PLEKHM3: variants seen among roughly 807,000 people sequenced by gnomAD.
The protein encoded by PLEKHM3 is pleckstrin homology domain-containing family M member 3.
A neutral mutation model predicts 81.8 loss-of-function variants in PLEKHM3; 45 were observed. The ratio of observed to expected loss-of-function variants is 0.55; its 90% CI spans 0.43 to 0.71. The LOEUF (loss-of-function observed/expected upper bound fraction) is 0.71, where lower values mean the gene tolerates loss of function less well. PLEKHM3 is among the 30% of genes least tolerant of loss of function. The pLI, the probability that PLEKHM3 is intolerant of heterozygous loss-of-function variation, is 0.00. For synonymous variants in PLEKHM3, 352 were observed against 356.4 expected, an observed-to-expected ratio of 0.99 and a Z score of 0.14; for missense variants, 788 against 924.3, an observed-to-expected ratio of 0.85 and a Z score of 1.91.
intron 7 of PLEKHM3, among the ~76,000 whole-genome samples, chr2:207,854,803 AC>A (rs2092429557): frequency 6.6e-6 from 1 of 152,166 alleles, no homozygotes; most frequent in Non-Finnish European, 1.5e-5. Context: ...CTGAGTAAAG[AC>A]CCCTATGAAC....
At chr2:208,003,438 T>C (rs1692381026) in intron 1 of PLEKHM3, among the ~76,000 whole-genome samples, 1 of 152,212 alleles carries the variant, frequency 6.6e-6, no homozygotes, top group Admixed American at 6.5e-5. Context: ...ATTAAACCAC[T>C]ACATTTATAT....
At chr2:207,849,301 T>A (rs2092400033) in intron 7 of PLEKHM3, among the ~76,000 whole-genome samples, 1 of 151,816 alleles carries the variant, frequency 6.6e-6, no homozygotes, top group South Asian at 2.1e-4. Flanking sequence ...GCCACTGCAC[T>A]CCAGCCTGGG....
chr2:207,833,122 A>G (rs2105881118), intron 7 of PLEKHM3, among the ~76,000 whole-genome samples: 1 of 152,068 alleles, frequency 6.6e-6, no homozygotes, highest in East Asian at 1.9e-4. Context: ...AAAAAAAAAA[A>G]AAAAAAAAAA....
At chr2:207,978,747 A>C (rs946212792) in intron 2 of PLEKHM3, among the ~76,000 whole-genome samples, 1 of 151,988 alleles carries the variant, frequency 6.6e-6, no homozygotes, top group Non-Finnish European at 1.5e-5. Context: ...ACCCTCTTTC[A>C]GAGAGTCTGT....
In PLEKHM3 at chr2:207,969,953, C is replaced by A. The variant is rs192557983; in HGVS notation, c.1546+6698G>T. ...GGCTAGTTTCAGACATCCATTCCCA[C>A]AAATAAAGAACTAAAAAGCACAACT... On this transcript the variant is annotated intron_variant, in intron 3 of 7. Transcript: ENST00000427836. Among the ~76,000 whole-genome samples, 146 of 152,250 alleles carry A rather than the reference C, an allele frequency of 9.6e-4. 1 individual carries two copies. In the East Asian group the frequency reaches 0.025, roughly 26 times the overall value.
At chr2:208,006,335 A>T (rs1019747072) in intron 1 of PLEKHM3, among the ~76,000 whole-genome samples, 11 of 152,330 alleles carry the variant, frequency 7.2e-5, no homozygotes, top group Non-Finnish European at 1.5e-5. Context: ...CAAAATATAA[A>T]GGGGACCTTC....
At chr2:207,889,696 T>A (rs556272534) in intron 6 of PLEKHM3, among the ~76,000 whole-genome samples, 1 of 152,196 alleles carries the variant, frequency 6.6e-6, no homozygotes, top group African/African-American at 2.4e-5. Flanking sequence ...TAACATGTCT[T>A]GGGGGCAGTC....
rs191533797 is a variant in PLEKHM3 at position 207,861,640 on chromosome 2, A to C, written c.1951-378T>G. Among the ~76,000 whole-genome samples, 101 of 152,318 alleles carry C rather than the reference A, an allele frequency of 6.6e-4. No individual in the cohort carries two copies. In the Middle Eastern group the frequency reaches 0.017, roughly 26 times the overall value. On this transcript the variant is annotated intron_variant, in intron 6 of 7. Coordinates refer to ENST00000427836, the MANE Select transcript of PLEKHM3 (RefSeq NM_001080475.3). Reference sequence around the variant, plus strand: ...AAACATACAGAGTAAATCTGAATGCATTAAGTTTATGTTGTAAATGCAATA... The same window carrying C: ...AAACATACAGAGTAAATCTGAATGCCTTAAGTTTATGTTGTAAATGCAATA...
At chr2:207,990,103 A>T (rs1559272717) in intron 2 of PLEKHM3, among the ~76,000 whole-genome samples, 1 of 152,150 alleles carries the variant, frequency 6.6e-6, no homozygotes, top group Non-Finnish European at 1.5e-5. Flanking sequence ...CTTTACATGG[A>T]CACATAAAGC....
At chr2:207,935,101 C>G (rs1228479596) in intron 4 of PLEKHM3, among the ~76,000 whole-genome samples, 1 of 152,098 alleles carries the variant, frequency 6.6e-6, no homozygotes, top group Non-Finnish European at 1.5e-5. Context: ...ATAACAAAGA[C>G]TAGTAAAGAT....
chr2:207,930,903 C>T (rs1202459852), intron 5 of PLEKHM3, 23 bp downstream of exon 5: 3 of 1,603,984 alleles, frequency 1.9e-6, no homozygotes, highest in Admixed American at 1.7e-5. Context: ...AAACGGGAGC[C>T]GTCTGAGATT....
At chr2:207,859,683 C>T (rs982728511) in intron 7 of PLEKHM3, among the ~76,000 whole-genome samples, 1 of 151,936 alleles carries the variant, frequency 6.6e-6, no homozygotes, top group Non-Finnish European at 1.5e-5. Flanking sequence ...CTATAGCCTC[C>T]ACCGCCTGGG....
chr2:207,977,441 G>A lies in PLEKHM3; in HGVS notation c.756C>T (p.Asn252=). ...GTGAAAGCTGGTACGTGGCATAAAG[G>A]TTTTGATTCCCACTGCTGTCGAGGC... is the stretch of plus-strand genomic sequence containing the variant. The part of the protein sequence containing the change: ...FYSLDSSGNQ[N]LYATYQLSHF... Residue 252 remains asparagine, a synonymous_variant, in exon 3 of 8, where the codon AAC becomes AAT. Coordinates refer to ENST00000427836, the MANE Select transcript of PLEKHM3 (RefSeq NM_001080475.3). 1 of 1,614,212 alleles carries A rather than the reference G, an allele frequency of 6.2e-7. No homozygotes were observed. Among genetic ancestry groups the A allele is most frequent in the South Asian group, 1.1e-5 (1 of 91,086 alleles).
At chr2:207,994,303 T>C (rs927286718) in intron 2 of PLEKHM3, among the ~76,000 whole-genome samples, 1 of 152,198 alleles carries the variant, frequency 6.6e-6, no homozygotes, top group Non-Finnish European at 1.5e-5. Context: ...ATGTTTAGAT[T>C]GTAATTCTGA....
chr2:207,937,494 C>G (rs1390611012), intron 4 of PLEKHM3, among the ~76,000 whole-genome samples: 1 of 151,512 alleles, frequency 6.6e-6, no homozygotes, highest in Non-Finnish European at 1.5e-5. Flanking sequence ...TGCTTGAGTG[C>G]CAGAGTTCAA....
intron 4 of PLEKHM3, among the ~76,000 whole-genome samples, chr2:207,943,692 C>A (rs1279793174): frequency 1.3e-5 from 2 of 151,668 alleles, no homozygotes; most frequent in African/African-American, 4.8e-5. Flanking sequence ...AACGGTGAAA[C>A]CCCGTCTCTA....
intron 6 of PLEKHM3, among the ~76,000 whole-genome samples, chr2:207,884,577 T>C (rs1687825539): frequency 6.6e-6 from 1 of 152,184 alleles, no homozygotes; most frequent in African/African-American, 2.4e-5. Context: ...CAGCTCAGAG[T>C]TATGGAAAAG....
chr2:207,949,361 A>T (rs1690253750), intron 3 of PLEKHM3, among the ~76,000 whole-genome samples: 1 of 152,180 alleles, frequency 6.6e-6, no homozygotes, highest in South Asian at 2.1e-4. Context: ...CAGCCTGAGC[A>T]ACATGGTGAA....
At chr2:207,882,672 C>T (rs1160467794) in intron 6 of PLEKHM3, among the ~76,000 whole-genome samples, 1 of 149,796 alleles carries the variant, frequency 6.7e-6, no homozygotes, top group South Asian at 2.1e-4. Flanking sequence ...ATCCTACAGT[C>T]TAATCAAATA....
Sources: allele counts gnomAD v4.1 joint callset (sites outside exome capture counted in the v4.1 genomes callset), GRCh38; gene constraint gnomAD v4.1.1; transcripts MANE v1.5; gene names NCBI Gene and HGNC (gene_info 2026-07-23, HGNC 2026-07-21).